The following NSUN6 variants were observed in gnomAD, a reference collection of about 807,000 sequenced individuals.
NSUN6 encodes the protein NOP2/Sun RNA methyltransferase 6, also known as tRNA (cytosine(72)-C(5))-methyltransferase NSUN6.
NSUN6 carries 64 observed loss-of-function variants against 58.0 expected under a neutral mutation model. The observed-to-expected ratio is 1.10, with a 90% CI of 0.90 to 1.36. NSUN6 has a LOEUF of 1.36. Among genes scored for constraint, NSUN6 ranks in the 40% most tolerant of loss-of-function variants. The probability of loss-of-function intolerance (pLI) is 0.00; values close to 1 mark genes in which losing one functional copy is unlikely to be tolerated. For missense variants in NSUN6, 701 were observed against 550.1 expected (o/e 1.27, Z -2.74); for synonymous variants, 231 against 193.9 (o/e 1.19, Z -1.59).
In NSUN6 at chr10:18,562,405, CGGAATGGAATGGAGAAT is replaced by C. The variant is rs1344843420; in HGVS notation, c.923-10451_923-10435del. 1.3e-4 allele frequency among the ~76,000 whole-genome samples: 15 copies of C among 111,528 alleles called. No homozygotes were observed. In the East Asian group the frequency reaches 2.4e-3, roughly 18 times the overall value. 73.2% of individuals were successfully genotyped at this position (111,528 alleles called of 152,430 possible). A position where few individuals can be genotyped will look rare whatever the true frequency, so the allele number is the denominator to read the frequency against. ...GGATAGAATAGAAGGGAATGGAGAA[CGGAATGGAATGGAGAAT>C]GGAATGGAATGCGGAATGGAATGGA... On this transcript the variant is annotated intron_variant, in intron 8 of 10. Transcript: ENST00000377304.
chr10:18,615,367 A>ACAGC (rs1428912241), intron 4 of NSUN6, among the ~76,000 whole-genome samples: 4 of 152,158 alleles, frequency 2.6e-5, no homozygotes, highest in Non-Finnish European at 5.9e-5. Flanking sequence ...ACAATAGCGA[A>ACAGC]CAGCCTATTA....
At position 18,616,264 on chromosome 10, in the gene NSUN6, G is replaced by A. The variant is rs1358343267; in HGVS notation, c.341C>T (p.Ala114Val). Reference protein sequence around the residue: ...RKNIKKQQCEAIVGAQCGNAV... With the variant: ...RKNIKKQQCEVIVGAQCGNAV... ...ATTGCCACACTGGGCTCCAACAATG[G>A]CTTCACACTGTTGTTTTTTAATATT... Residue 114 changes from alanine to valine, a missense_variant, in exon 4 of 11, where the codon GCC becomes GTC. Physicochemically the swap from Ala to Val is moderately conservative, Grantham distance 64. Transcript: ENST00000377304. The A allele has an allele frequency of 6.2e-7, 1 of 1,608,884 alleles. No homozygotes were observed. Among genetic ancestry groups the A allele is most frequent in the Non-Finnish European group, 8.5e-7 (1 of 1,175,318 alleles).
chr10:18,574,781 A>T (rs1371393071), intron 8 of NSUN6, among the ~76,000 whole-genome samples: 1 of 152,148 alleles, frequency 6.6e-6, no homozygotes, highest in African/African-American at 2.4e-5. Context: ...TCTCATTAAT[A>T]TTAAAGATCA....
chr10:18,563,817 T>C (rs1207349942), intron 8 of NSUN6, among the ~76,000 whole-genome samples: 1 of 149,606 alleles, frequency 6.7e-6, no homozygotes, highest in Non-Finnish European at 1.5e-5. Flanking sequence ...TTAAATTACA[T>C]TCCACTACAC....
upstream of NSUN6, chr10:18,652,779 C>G (rs1423364242): frequency 1.9e-6 from 1 of 524,278 alleles, no homozygotes; most frequent in African/African-American, 2.1e-5. Context: ...AGGCTGGTCT[C>G]AAACTCCTGA....
At position 18,546,429 on chromosome 10, in the gene NSUN6, G is replaced by A. The variant is rs114336917; in HGVS notation, c.1198-284C>T. On this transcript the variant is annotated intron_variant, in intron 10 of 10. Coordinates refer to ENST00000377304, the MANE Select transcript of NSUN6 (RefSeq NM_182543.5). ...CTGAGCTTCCTAGTTGGAAACAAGT[G>A]GACTCAAATTGCAGCTCTACCACAT... 9.6e-3 allele frequency among the ~76,000 whole-genome samples: 1,454 copies of A among 152,230 alleles called. 24 individuals carry two copies. The highest frequency in any genetic ancestry group is 0.033 in the African/African-American group (1,376 of 41,536).
At chr10:18,575,447 T>C (rs934201896) in intron 8 of NSUN6, among the ~76,000 whole-genome samples, 3 of 152,150 alleles carry the variant, frequency 2.0e-5, no homozygotes, top group Non-Finnish European at 4.4e-5. Context: ...GCCAATAATG[T>C]AGTTAAGGCC....
chr10:18,589,615 A>C (rs1310599633), intron 7 of NSUN6, among the ~76,000 whole-genome samples: 1 of 152,218 alleles, frequency 6.6e-6, no homozygotes, highest in Non-Finnish European at 1.5e-5. Flanking sequence ...AACATTCTTA[A>C]ATAAAAGAAT....
At chr10:18,631,566 C>T (rs2059031940) in intron 3 of NSUN6, among the ~76,000 whole-genome samples, 2 of 131,122 alleles carry the variant, frequency 1.5e-5, no homozygotes, top group Admixed American at 8.2e-5. Flanking sequence ...TCTCAGGATA[C>T]AAAATCAATG....
intron 5 of NSUN6, 90 bp downstream of exon 5, chr10:18,614,370 A>G: frequency 1.3e-6 from 1 of 752,836 alleles, no homozygotes; most frequent in Non-Finnish European, 1.9e-6. Flanking sequence ...AAAATTTCAT[A>G]TAATGCAACT....
intron 3 of NSUN6, among the ~76,000 whole-genome samples, chr10:18,627,007 T>C (rs2058835454): frequency 1.3e-5 from 2 of 152,212 alleles, no homozygotes; most frequent in Admixed American, 1.3e-4. Context: ...GCCTAAAAAG[T>C]TCTACTGATC....
intron 6 of NSUN6, among the ~76,000 whole-genome samples, chr10:18,603,564 G>A (rs1012145134): frequency 3.3e-5 from 5 of 150,792 alleles, no homozygotes; most frequent in Non-Finnish European, 5.9e-5. Context: ...TCCGCCTCCC[G>A]GGTTCAAGTG....
chr10:18,601,849 C>T (rs189064506), intron 6 of NSUN6, among the ~76,000 whole-genome samples: 12 of 151,490 alleles, frequency 7.9e-5, no homozygotes, highest in African/African-American at 2.2e-4. Context: ...TGGTGGTGGG[C>T]GCCTGTAATC....
At chr10:18,576,784 G>C (rs1380698246) in intron 8 of NSUN6, among the ~76,000 whole-genome samples, 3 of 152,168 alleles carry the variant, frequency 2.0e-5, no homozygotes, top group South Asian at 4.1e-4. Flanking sequence ...GATTGTGGTG[G>C]TATTGTGGTA....
At chr10:18,650,350 T>C (rs975613737) in intron 1 of NSUN6, among the ~76,000 whole-genome samples, 4 of 152,144 alleles carry the variant, frequency 2.6e-5, no homozygotes, top group African/African-American at 7.2e-5. Flanking sequence ...CAACATTTAC[T>C]GAGGACTTTA....
At chr10:18,602,896 C>G (rs1453504969) in intron 6 of NSUN6, among the ~76,000 whole-genome samples, 1 of 152,162 alleles carries the variant, frequency 6.6e-6, no homozygotes, top group Non-Finnish European at 1.5e-5. Context: ...AGTGGTAAGT[C>G]AAAGTTATTT....
chr10:18,592,880 A>C (rs1226822835), intron 7 of NSUN6, among the ~76,000 whole-genome samples: 3 of 152,182 alleles, frequency 2.0e-5, no homozygotes, highest in Non-Finnish European at 2.9e-5. Context: ...TAAACTAAAG[A>C]GCTTCTGCAC....
At chr10:18,647,513 T>G (rs2059579473) in intron 2 of NSUN6, among the ~76,000 whole-genome samples, 1 of 152,050 alleles carries the variant, frequency 6.6e-6, no homozygotes, top group East Asian at 1.9e-4. Context: ...ACAAGATAAC[T>G]CAAAAAAATA....
chr10:18,631,809 C>T lies in NSUN6; in HGVS notation c.311+10667G>A, dbSNP rs1037861496. Among the ~76,000 whole-genome samples, 17 of 152,088 alleles carry T rather than the reference C, an allele frequency of 1.1e-4. 1 individual carries two copies. Among genetic ancestry groups the T allele is most frequent in the East Asian group, 3.9e-4 (2 of 5,170 alleles). Reference sequence around the variant, plus strand: ...GCTCATGGGTAGGAAGAATCAATATCGTAAAAATGGCCATACTGCCCAAGG... The same window carrying T: ...GCTCATGGGTAGGAAGAATCAATATTGTAAAAATGGCCATACTGCCCAAGG... On this transcript the variant is annotated intron_variant, in intron 3 of 10. Coordinates refer to ENST00000377304, the MANE Select transcript of NSUN6 (RefSeq NM_182543.5).
Sources: gnomAD v4.1 joint callset for allele counts (sites outside exome capture counted in the v4.1 genomes callset) on GRCh38, gnomAD v4.1.1 for gene constraint, MANE v1.5 for transcripts, NCBI Gene and HGNC (gene_info 2026-07-23, HGNC 2026-07-21) for gene names.